The following LRIF1 variants were observed in gnomAD, a reference collection of about 807,000 sequenced individuals.
The protein encoded by LRIF1 is ligand dependent nuclear receptor interacting factor 1.
Under a neutral mutation model 52.7 loss-of-function variants are expected in LRIF1, and 32 were observed. The ratio of observed to expected loss-of-function variants is 0.61; its 90% CI spans 0.46 to 0.82. LRIF1 has a LOEUF of 0.82. Among genes scored for constraint, LRIF1 ranks in the 40% least tolerant of loss-of-function variants. The pLI, the probability that LRIF1 is intolerant of heterozygous loss-of-function variation, is 0.00. For missense variants in LRIF1, 887 were observed against 892.0 expected (o/e 0.99, Z 0.07); for synonymous variants, 323 against 317.4 (o/e 1.02, Z -0.19).
the LRIF1 span, among the ~76,000 whole-genome samples, chr1:110,906,177 A>C: frequency 3.3e-5 from 5 of 152,192 alleles, no homozygotes; most frequent in African/African-American, 1.2e-4. Context: ...AATTAATAAG[A>C]GATTTTGGCA....
intron 1 of LRIF1, chr1:110,963,327 T>G (rs1438775704): frequency 4.3e-6 from 1 of 234,454 alleles, no homozygotes; most frequent in Admixed American, 5.1e-5. Context: ...CATAAGAGCG[T>G]CGGCCATCTT....
the LRIF1 span, among the ~76,000 whole-genome samples, chr1:110,932,324 A>T: frequency 0.057 from 8,738 of 152,114 alleles, 288 homozygotes; most frequent in East Asian, 0.13. Flanking sequence ...ATGCCTCTGT[A>T]CTGTTCCATT....
At chr1:110,881,051 T>C in the LRIF1 span, among the ~76,000 whole-genome samples, 1 of 152,192 alleles carries the variant, frequency 6.6e-6, no homozygotes, top group East Asian at 1.9e-4. Flanking sequence ...TGCTAAATTT[T>C]AAAGTATAAT....
At chr1:110,886,598 C>A in the LRIF1 span, among the ~76,000 whole-genome samples, 3 of 151,976 alleles carry the variant, frequency 2.0e-5, no homozygotes, top group African/African-American at 7.2e-5. Flanking sequence ...CCTGTAATCC[C>A]AGCACTTTGG....
chr1:110,879,747 A>C, the LRIF1 span, among the ~76,000 whole-genome samples: 1 of 152,076 alleles, frequency 6.6e-6, no homozygotes, highest in Non-Finnish European at 1.5e-5. Flanking sequence ...AAAAATTTTA[A>C]AATAGAGACA....
chr1:110,953,761 A>G (rs1658578936), intron 1 of LRIF1, among the ~76,000 whole-genome samples: 1 of 152,208 alleles, frequency 6.6e-6, no homozygotes. Context: ...CACACATACT[A>G]TCACTCTACC....
At chr1:110,950,617 CACAG>C (rs1658430317) in intron 2 of LRIF1, among the ~76,000 whole-genome samples, 2 of 151,666 alleles carry the variant, frequency 1.3e-5, no homozygotes, top group African/African-American at 2.4e-5. Flanking sequence ...CTAGTAAGCA[CACAG>C]ACAGACAAAC....
At chr1:110,894,117 G>T in the LRIF1 span, among the ~76,000 whole-genome samples, 1 of 152,210 alleles carries the variant, frequency 6.6e-6, no homozygotes, top group African/African-American at 2.4e-5. Flanking sequence ...GTAGGAGAGA[G>T]CAAAGAAGAC....
chr1:110,959,747 A>G (rs1658870356), intron 1 of LRIF1, among the ~76,000 whole-genome samples: 1 of 151,490 alleles, frequency 6.6e-6, no homozygotes. Flanking sequence ...AAAAAAAAAA[A>G]AAAAAAAAAA....
chr1:110,960,474 C>CA (rs1363788060), intron 1 of LRIF1, among the ~76,000 whole-genome samples: 11 of 152,166 alleles, frequency 7.2e-5, no homozygotes, highest in Non-Finnish European at 1.6e-4. Context: ...CATTTGAATA[C>CA]AAATGGTTAT....
Position 110,948,138 on chromosome 1 carries a change from T to C in LRIF1, c.2131A>G (p.Asn711Asp). The C allele has an allele frequency of 1.2e-6, 2 of 1,614,136 alleles. No individual in the cohort carries two copies. The highest frequency in any genetic ancestry group is 1.7e-6 in the Non-Finnish European group (2 of 1,180,002). ...AAATGACTTTGTTCATAAGCTGCAT[T>C]TGAATTCAAAGTGCCTTTCTCTTGC... ...EKQEKGTLNS[N>D]AAYEQSHFFN... Residue 711 changes from asparagine to aspartate, a missense_variant, in exon 4 of 4, where the codon AAT (asparagine) becomes GAT (aspartate). Asn to Asp is a conservative substitution (Grantham distance 23). Coordinates refer to ENST00000369763, the MANE Select transcript of LRIF1 (RefSeq NM_018372.4).
rs765050480 is a variant in LRIF1 at position 110,963,624 on chromosome 1, C to T, written c.65G>A (p.Arg22His). Residue 22 changes from arginine (R) to histidine (H), a missense_variant, in exon 1 of 4, where the codon CGT becomes CAT. Physicochemically the swap from Arg to His is conservative, Grantham distance 29. Transcript: ENST00000369763. ...PAEENSGNASRCVSGCMYQVV... is the reference protein window; with the variant it reads ...PAEENSGNASHCVSGCMYQVV... ...AGGATTCGAAACCGGTACTTACCAACGCGAGGCGTTGCCTGAATTTTCCTC... is the reference window on the plus strand; with the variant it reads ...AGGATTCGAAACCGGTACTTACCAATGCGAGGCGTTGCCTGAATTTTCCTC... The T allele has an allele frequency of 6.2e-7, 1 of 1,609,036 alleles. No homozygotes were observed. The highest frequency in any genetic ancestry group is 1.1e-5 in the South Asian group (1 of 90,774).
At chr1:110,924,165 T>C in the LRIF1 span, among the ~76,000 whole-genome samples, 1 of 152,072 alleles carries the variant, frequency 6.6e-6, no homozygotes, top group Admixed American at 6.6e-5. Context: ...TTACCAAAAA[T>C]ATTTCAAGCA....
At chr1:110,882,697 G>A in the LRIF1 span, among the ~76,000 whole-genome samples, 184 of 152,088 alleles carry the variant, frequency 1.2e-3, no homozygotes, top group East Asian at 9.8e-3. Flanking sequence ...GTAGATGGAC[G>A]TGGTATATCT....
intron 1 of LRIF1, 96 bp downstream of exon 1, chr1:110,963,525 C>A: frequency 9.5e-7 from 1 of 1,049,974 alleles, no homozygotes; most frequent in Non-Finnish European, 1.4e-6. Context: ...GCTCCAACTC[C>A]TCTCAACTAC....
chr1:110,892,607 G>A, the LRIF1 span: 1 of 1,227,762 alleles, frequency 8.1e-7, no homozygotes, highest in Non-Finnish European at 1.2e-6. Context: ...ATGTTTCTTG[G>A]TAGATCACTT....
At chr1:110,924,294 G>T in the LRIF1 span, among the ~76,000 whole-genome samples, 4 of 152,062 alleles carry the variant, frequency 2.6e-5, no homozygotes, top group African/African-American at 7.2e-5. Context: ...TATTAAAAAA[G>T]AAATTATTGT....
chr1:110,879,776 C>T, the LRIF1 span, among the ~76,000 whole-genome samples: 1 of 151,810 alleles, frequency 6.6e-6, no homozygotes, highest in Admixed American at 6.6e-5. Flanking sequence ...CTATGTTGTT[C>T]AGGCTGGTCT....
the LRIF1 span, among the ~76,000 whole-genome samples, chr1:110,927,077 A>G: frequency 1.1e-4 from 16 of 152,198 alleles, no homozygotes; most frequent in Non-Finnish European, 4.4e-5. Flanking sequence ...TGGACTCTTC[A>G]TTCACACTAT....
Sources: gnomAD v4.1 joint callset for allele counts (sites outside exome capture counted in the v4.1 genomes callset) on GRCh38, gnomAD v4.1.1 for gene constraint, MANE v1.5 for transcripts, NCBI Gene and HGNC (gene_info 2026-07-23, HGNC 2026-07-21) for gene names.